DNAJC1: variants seen among roughly 807,000 people sequenced by gnomAD.
The protein encoded by DNAJC1 is DnaJ heat shock protein family (Hsp40) member C1.
In DNAJC1, 58 loss-of-function variants were observed where a neutral mutation model predicts 76.6. The ratio of observed to expected loss-of-function variants is 0.76; its 90% confidence interval spans 0.61 to 0.94. The LOEUF (loss-of-function observed/expected upper bound fraction) is 0.94. DNAJC1 is among the 40% of genes least tolerant of loss of function. The pLI is 0.00. For missense variants in DNAJC1, 689 were observed against 677.3 expected (o/e 1.02, Z -0.19); for synonymous variants, 258 against 267.9 (o/e 0.96, Z 0.36).
chr10:21,873,122 A>T (rs59877332), intron 8 of DNAJC1, among the ~76,000 whole-genome samples: 3,523 of 152,164 alleles, frequency 0.023, 73 homozygotes, highest in African/African-American at 0.048. Context: ...CTTGCTCAAT[A>T]GATCACGACC....
chr10:21,797,191 T>C (rs919809164), intron 9 of DNAJC1, among the ~76,000 whole-genome samples: 2 of 152,122 alleles, frequency 1.3e-5, no homozygotes, highest in Non-Finnish European at 2.9e-5. Flanking sequence ...AAGCACCATT[T>C]TGGTGAAAAG....
At position 22,003,413 on chromosome 10, in the gene DNAJC1, G is replaced by C. The variant is rs1667109951; in HGVS notation, c.22C>G (p.Pro8Ala). ...TGGCGGCGTCCAGGAAGCTGCGCCGGCTGGGAGCAAGGAGCCGTCATCGCG... is the reference window on the plus strand; with the variant it reads ...TGGCGGCGTCCAGGAAGCTGCGCCGCCTGGGAGCAAGGAGCCGTCATCGCG... MTAPCSQ[P>A]AQLPGRRQLG... The change falls in exon 1 of 12, where the codon CCG (proline) becomes GCG (alanine). Residue 8 changes from proline to alanine, a missense_variant. Transcript: ENST00000376980. The C allele has an allele frequency of 7.3e-7, 1 of 1,370,040 alleles. No homozygotes were observed. Among genetic ancestry groups the C allele is most frequent in the South Asian group, 1.9e-5 (1 of 53,388 alleles). 84.9% of individuals were successfully genotyped at this position (1,370,040 alleles called of 1,614,324 possible).
chr10:21,961,579 A>G (rs1837792240), intron 1 of DNAJC1, among the ~76,000 whole-genome samples: 2 of 152,158 alleles, frequency 1.3e-5, no homozygotes, highest in Non-Finnish European at 1.5e-5. Context: ...GTGTGGGGGA[A>G]GGGGAAAAGG....
At chr10:21,790,386 G>C (rs983507956) in intron 9 of DNAJC1, among the ~76,000 whole-genome samples, 1 of 151,494 alleles carries the variant, frequency 6.6e-6, no homozygotes, top group African/African-American at 2.4e-5. Flanking sequence ...AGGCAAAGAC[G>C]AAGAGAAAAT....
chr10:21,841,559 T>C (rs1835574351), intron 8 of DNAJC1, among the ~76,000 whole-genome samples: 1 of 152,262 alleles, frequency 6.6e-6, no homozygotes, highest in East Asian at 1.9e-4. Context: ...TGAGATACCA[T>C]CTCACACCAG....
intron 8 of DNAJC1, among the ~76,000 whole-genome samples, chr10:21,844,267 A>ATT (rs150747458): frequency 1.4e-4 from 20 of 147,010 alleles, no homozygotes; most frequent in African/African-American, 4.9e-4. Flanking sequence ...CACCTGGCTA[A>ATT]TTTTTTTTTT....
intron 8 of DNAJC1, among the ~76,000 whole-genome samples, chr10:21,849,894 A>G (rs980421814): frequency 6.6e-5 from 10 of 152,184 alleles, no homozygotes; most frequent in African/African-American, 2.4e-4. Context: ...ATTGATGCAG[A>G]AAAACATTTG....
chr10:21,761,196 A>C, intron 10 of DNAJC1, among the ~76,000 whole-genome samples: 1 of 152,178 alleles, frequency 6.6e-6, no homozygotes, highest in Non-Finnish European at 1.5e-5. Flanking sequence ...ACAACAAAAA[A>C]GGGGGCAATA....
chr10:21,927,419 C>A (rs1284130438), intron 3 of DNAJC1, among the ~76,000 whole-genome samples: 2 of 152,082 alleles, frequency 1.3e-5, no homozygotes, highest in African/African-American at 4.8e-5. Context: ...AGATGTATTA[C>A]CCCCCTAGTG....
intron 8 of DNAJC1, among the ~76,000 whole-genome samples, chr10:21,825,393 G>A (rs750946952): frequency 2.0e-5 from 3 of 151,996 alleles, no homozygotes; most frequent in Non-Finnish European, 2.9e-5. Flanking sequence ...AATGAATAAC[G>A]TTCCGTTGTA....
intron 8 of DNAJC1, among the ~76,000 whole-genome samples, chr10:21,848,275 T>C (rs370171718): frequency 2.0e-5 from 3 of 152,318 alleles, no homozygotes; most frequent in African/African-American, 4.8e-5. Context: ...AAAATGTCTA[T>C]TAAGATCATT....
chr10:21,870,460 T>G (rs1836084801), intron 8 of DNAJC1, among the ~76,000 whole-genome samples: 1 of 152,070 alleles, frequency 6.6e-6, no homozygotes, highest in Admixed American at 6.5e-5. Context: ...TGCAGCATCA[T>G]GAGTAAGATA....
intron 1 of DNAJC1, among the ~76,000 whole-genome samples, chr10:21,974,382 A>C (rs1470212997): frequency 6.6e-6 from 1 of 152,206 alleles, no homozygotes; most frequent in Admixed American, 6.5e-5. Context: ...AAGATTCAAA[A>C]TACTATGTAA....
chr10:21,982,797 G>C (rs1838178047), intron 1 of DNAJC1, among the ~76,000 whole-genome samples: 1 of 152,110 alleles, frequency 6.6e-6, no homozygotes, highest in Non-Finnish European at 1.5e-5. Context: ...TGGTAGGAAT[G>C]TAAAATGGCA....
chr10:21,763,743 A>T (rs998473020), intron 10 of DNAJC1, among the ~76,000 whole-genome samples: 13 of 152,198 alleles, frequency 8.5e-5, no homozygotes, highest in Non-Finnish European at 1.6e-4. Context: ...TTATAAAAAG[A>T]TGTCACTGAA....
chr10:21,962,208 C>A (rs1411237494), intron 1 of DNAJC1, among the ~76,000 whole-genome samples: 3 of 152,038 alleles, frequency 2.0e-5, no homozygotes, highest in Non-Finnish European at 2.9e-5. Context: ...ACAATAAGGG[C>A]AGACATTTTG....
intron 9 of DNAJC1, among the ~76,000 whole-genome samples, chr10:21,786,402 G>A (rs573636448): frequency 7.8e-5 from 11 of 141,438 alleles, no homozygotes; most frequent in Middle Eastern, 4.1e-3. Context: ...CAGATCTAAT[G>A]TTGAGGTTTT....
At chr10:21,884,995 G>C (rs1413687207) in intron 7 of DNAJC1, among the ~76,000 whole-genome samples, 2 of 151,938 alleles carry the variant, frequency 1.3e-5, no homozygotes, top group Non-Finnish European at 2.9e-5. Flanking sequence ...TACAATGACA[G>C]GATCAAATCC....
At chr10:21,856,550 C>G (rs1835835553) in intron 8 of DNAJC1, among the ~76,000 whole-genome samples, 1 of 152,014 alleles carries the variant, frequency 6.6e-6, no homozygotes, top group Admixed American at 6.6e-5. Context: ...GAAATTAACA[C>G]CATTAAAACT....
Sources: gnomAD v4.1 joint callset for allele counts (sites outside exome capture counted in the v4.1 genomes callset) on GRCh38, gnomAD v4.1.1 for gene constraint, MANE v1.5 for transcripts, NCBI Gene and HGNC (gene_info 2026-07-23, HGNC 2026-07-21) for gene names.